Variants in MTMR4 observed in about 807,000 individuals in gnomAD.
The protein encoded by MTMR4 is myotubularin related protein 4.
Under a neutral mutation model 125.5 loss-of-function variants are expected in MTMR4, and 30 were observed. The ratio of observed to expected loss-of-function variants is 0.24; its 90% CI spans 0.18 to 0.32. The LOEUF (loss-of-function observed/expected upper bound fraction) is 0.32. Ranked by LOEUF, MTMR4 falls within the 10% of genes least tolerant of loss-of-function variation. The pLI is 1.00. For synonymous variants in MTMR4, 498 were observed against 564.5 expected, an observed-to-expected ratio of 0.88 and a Z score of 1.67; for missense variants, 1,039 against 1,511.5, an observed-to-expected ratio of 0.69 and a Z score of 5.18.
chr17:58,514,506 G>T lies in MTMR4; in HGVS notation c.-99C>A. On this transcript the variant is annotated 5_prime_UTR_variant, in exon 1 of 18. Transcript: ENST00000682306. ...GCATCCCGGCTGCGGGGCTCGCCAG[G>T]TGCAGCCGCGGCGGCCAAGAGGCTA... The T allele has an allele frequency of 1.0e-6, 1 of 985,182 alleles. No individual in the cohort carries two copies. The highest frequency in any genetic ancestry group is 4.7e-5 in the South Asian group (1 of 21,294). The allele number at this position is 985,182 out of a possible 1,614,324, so 61.0% of individuals were successfully genotyped here.
chr17:58,505,802 G>A (rs1975765400), intron 9 of MTMR4, among the ~76,000 whole-genome samples: 2 of 152,182 alleles, frequency 1.3e-5, no homozygotes, highest in South Asian at 4.1e-4. Flanking sequence ...CAGCTACTCG[G>A]GAGACTGAGG....
Position 58,494,964 on chromosome 17 carries a change from C to A in MTMR4, c.3220G>T (p.Ala1074Ser), listed in dbSNP as rs751898012. 6 of 1,614,114 alleles carry A rather than the reference C, an allele frequency of 3.7e-6. No homozygotes were observed. Among genetic ancestry groups the A allele is most frequent in the Non-Finnish European group, 5.1e-6 (6 of 1,180,012 alleles). The change falls in exon 15 of 18, where the codon GCA becomes TCA. Residue 1074 changes from alanine (A) to serine (S), a missense_variant. This residue lies in a region of MTMR4 where 619 missense variants were observed against 714.5 expected (regional missense o/e 0.87). Transcript: ENST00000682306. Reference sequence around the variant, plus strand: ...TCCTCATAGTCCATGGGGGGCTCTGCTGGAGGGGCACAGCAGTGACGGATG... The same window carrying A: ...TCCTCATAGTCCATGGGGGGCTCTGATGGAGGGGCACAGCAGTGACGGATG... ...LDIRHCCAPP[A>S]EPPMDYEDDF... is the part of the protein sequence containing the mutation.
upstream of MTMR4, among the ~76,000 whole-genome samples, chr17:58,515,943 C>T (rs1260886982): frequency 6.6e-6 from 1 of 152,238 alleles, no homozygotes; most frequent in Non-Finnish European, 1.5e-5. Flanking sequence ...TCACTGCCTC[C>T]TCCTAGCTCT....
At chr17:58,511,809 G>C (rs1188259758) in intron 3 of MTMR4, among the ~76,000 whole-genome samples, 2 of 152,104 alleles carry the variant, frequency 1.3e-5, no homozygotes, top group Non-Finnish European at 2.9e-5. Context: ...AAAGAGCCCA[G>C]GTTTGCCTGA....
intron 8 of MTMR4, 26 bp from the exon 9 acceptor site, chr17:58,506,897 C>CTGAG (rs1490238418): frequency 6.2e-7 from 1 of 1,603,806 alleles, no homozygotes; most frequent in South Asian, 1.1e-5. Context: ...GAAGGAGTCC[C>CTGAG]TGAGTCAGCC....
chr17:58,500,094 A>G (rs1390056782), intron 14 of MTMR4, among the ~76,000 whole-genome samples: 1 of 152,132 alleles, frequency 6.6e-6, no homozygotes. Flanking sequence ...TGACCCTTTT[A>G]AAAAACACAT....
At chr17:58,506,979 A>G (rs756404285) in intron 8 of MTMR4, 108 bp from the exon 9 acceptor site, 28 of 1,551,778 alleles carry the variant, frequency 1.8e-5, no homozygotes, top group Non-Finnish European at 2.3e-5. Context: ...GAGACCCCTC[A>G]TACCCCACAG....
At chr17:58,501,652 GGATA>G (rs1403938678) in intron 14 of MTMR4, among the ~76,000 whole-genome samples, 1 of 148,852 alleles carries the variant, frequency 6.7e-6, no homozygotes, top group African/African-American at 2.5e-5. Context: ...ATATGTATAC[GGATA>G]TATATACATA....
rs201659333 is a variant in MTMR4, at chr17:58,506,845, C to T, written c.931G>A (p.Val311Met). The stretch of plus-strand genomic sequence containing the variant: ...TTTTGAGGAGCTGCTGTGCTCTCCA[C>T]TCCAGAGCACGCAGTCAGAGAAGAA... The part of the protein sequence containing the change: ...FDSSLTACSG[V>M]ESTAAPQKLL... The change falls in exon 9 of 18, where the codon GTG becomes ATG. Residue 311 changes from valine to methionine, a missense_variant. Val to Met is a conservative substitution (Grantham distance 21). Coordinates refer to ENST00000682306, the MANE Select transcript of MTMR4 (RefSeq NM_001378067.1). The T allele has an allele frequency of 1.2e-6, 2 of 1,612,998 alleles. No individual in the cohort carries two copies. The highest frequency in any genetic ancestry group is 1.7e-5 in the Admixed American group (1 of 59,950).
At chr17:58,492,000 A>G (rs1464032053) in intron 17 of MTMR4, among the ~76,000 whole-genome samples, 160 bp from the exon 18 acceptor site, 1 of 152,198 alleles carries the variant, frequency 6.6e-6, no homozygotes, top group Non-Finnish European at 1.5e-5. Flanking sequence ...GCAAGAGCCC[A>G]TCGCTAATAA....
At chr17:58,516,289 G>A (rs1010677319), upstream of MTMR4, among the ~76,000 whole-genome samples, 14 of 152,204 alleles carry the variant, frequency 9.2e-5, no homozygotes, top group African/African-American at 3.4e-4. Context: ...GCAAGAAGAG[G>A]GCTGTTATGA....
At chr17:58,506,458 G>A (rs1975781498) in intron 9 of MTMR4, among the ~76,000 whole-genome samples, 1 of 152,184 alleles carries the variant, frequency 6.6e-6, no homozygotes, top group Non-Finnish European at 1.5e-5. Context: ...CAAAGTACTG[G>A]GATTACAGGC....
upstream of MTMR4, among the ~76,000 whole-genome samples, chr17:58,515,710 G>A (rs948742814): frequency 2.1e-4 from 32 of 152,168 alleles, no homozygotes; most frequent in African/African-American, 7.7e-4. Flanking sequence ...TGTTGGTGGG[G>A]GCCAAAACCA....
Position 58,512,872 on chromosome 17 carries a change from T to C in MTMR4, c.115A>G (p.Lys39Glu). The C allele has an allele frequency of 1.9e-6, 3 of 1,613,222 alleles. No individual in the cohort carries two copies. Among genetic ancestry groups the C allele is most frequent in the Non-Finnish European group, 2.5e-6 (3 of 1,179,588 alleles). The change falls in exon 2 of 18, where the codon AAG becomes GAG. Residue 39 changes from lysine (K) to glutamate (E), a missense_variant. Lys to Glu is a moderately conservative substitution (Grantham distance 56, BLOSUM62 1). Coordinates refer to ENST00000682306, the MANE Select transcript of MTMR4 (RefSeq NM_001378067.1). The surrounding 1 kb of genome is among the most constrained non-coding windows in gnomAD (Gnocchi z 4.1). ...CTTACCTGAAGATTCTCTTCCTCCT[T>C]CACTAGTTCCTTGGGGGGGAACAGA... is the stretch of plus-strand genomic sequence containing the variant. ...KDLFPPKELV[K>E]EEENLQVPFT...
At chr17:58,501,554 C>T (rs961056764) in intron 14 of MTMR4, among the ~76,000 whole-genome samples, 14 of 150,966 alleles carry the variant, frequency 9.3e-5, no homozygotes, top group East Asian at 1.9e-4. Flanking sequence ...CATATATACA[C>T]GTATATATGT....
chr17:58,512,610 G>A lies in MTMR4; in HGVS notation c.136-104C>T, dbSNP rs888649851. The A allele has an allele frequency of 1.9e-5, 19 of 995,934 alleles. No individual in the cohort carries two copies. The highest frequency in any genetic ancestry group is 3.0e-5 in the Non-Finnish European group (19 of 637,498). 61.7% of individuals were successfully genotyped at this position (995,934 alleles called of 1,614,324 possible). Reference sequence around the variant, plus strand: ...TCCCCTCTGGAAAAGGTGGGCCAAGGCAAGAGAGGAGAGTTCTCTCCACGG... The same window carrying A: ...TCCCCTCTGGAAAAGGTGGGCCAAGACAAGAGAGGAGAGTTCTCTCCACGG... On this transcript the variant is annotated intron_variant, in intron 2 of 17. Transcript: ENST00000682306. The surrounding 1 kb of genome is among the most constrained non-coding windows in gnomAD (Gnocchi z 4.1).
intron 10 of MTMR4, 100 bp downstream of exon 10, chr17:58,505,372 C>A (rs762097784): frequency 1.9e-5 from 20 of 1,039,292 alleles, no homozygotes; most frequent in Non-Finnish European, 2.4e-5. Context: ...CCTCAGGTCT[C>A]CTGCTCTCCA....
At position 58,499,789 on chromosome 17, in the gene MTMR4, A is replaced by ATTT. The variant is rs368767094; in HGVS notation, c.1854-3462_1854-3460dup. ...AGGCGCCTGCCACCACGCCCGGCTA[A>ATTT]TTTTTTTTTTTTTTGTATTTTTAGT... On this transcript the variant is annotated intron_variant, in intron 14 of 17. Transcript: ENST00000682306. Among the ~76,000 whole-genome samples, 439 of 141,260 alleles carry ATTT rather than the reference A, an allele frequency of 3.1e-3. 1 individual carries two copies. The highest frequency in any genetic ancestry group is 0.011 in the African/African-American group (414 of 38,316). 92.7% of individuals were successfully genotyped at this position (141,260 alleles called of 152,430 possible).
rs1324196329 is a variant in MTMR4, at chr17:58,495,180, T to C, written c.3004A>G (p.Lys1002Glu). ...ACGGGCTTTGTGCTAGAGACTTGCT[T>C]TGGATGACTGGACAACCACATCTGG... ...KNQMWLSSHP[K>E]QVSSTKPVPL... Residue 1002 changes from lysine to glutamate, a missense_variant, in exon 15 of 18, where the codon AAG (lysine) becomes GAG (glutamate). Physicochemically the swap from Lys to Glu is moderately conservative, Grantham distance 56. Around this residue, in one of 6 missense-constraint regions of MTMR4, gnomAD observed 619 missense variants for 714.5 expected, o/e 0.87. Coordinates refer to ENST00000682306, the MANE Select transcript of MTMR4 (RefSeq NM_001378067.1). 1 of 1,614,210 alleles carries C rather than the reference T, an allele frequency of 6.2e-7. No homozygotes were observed. The highest frequency in any genetic ancestry group is 8.5e-7 in the Non-Finnish European group (1 of 1,180,038).
Sources: gnomAD v4.1 joint callset for allele counts (sites outside exome capture counted in the v4.1 genomes callset) on GRCh38, gnomAD v4.1.1 for gene constraint, gnomAD v4.1.1 regional missense constraint, Gnocchi (gnomAD v3.1) non-coding constraint, MANE v1.5 for transcripts, NCBI Gene and HGNC (gene_info 2026-07-23, HGNC 2026-07-21) for gene names.